CDHR2: variants seen among roughly 807,000 people sequenced by gnomAD.
The protein encoded by CDHR2 is cadherin related family member 2.
CDHR2 carries 104 observed loss-of-function variants against 138.6 expected under a neutral mutation model. The observed-to-expected ratio is 0.75, with a 90% CI of 0.64 to 0.88. The LOEUF (loss-of-function observed/expected upper bound fraction) is 0.88. Among genes scored for constraint, CDHR2 ranks in the 40% least tolerant of loss-of-function variants. The pLI is 0.00. For missense variants in CDHR2, 1,624 were observed against 1,727.6 expected (o/e 0.94, Z 1.06); for synonymous variants, 755 against 742.8 (o/e 1.02, Z -0.27).
chr5:176,577,766 G>C lies in CDHR2; in HGVS notation c.1480G>C (p.Ala494Pro). The change falls in exon 14 of 32, where the codon GCC (alanine) becomes CCC (proline). Residue 494 changes from alanine to proline, a missense_variant. Around this residue, in one of 3 missense-constraint regions of CDHR2, gnomAD observed 1,061 missense variants for 1,136.6 expected, o/e 0.93. Transcript: ENST00000261944. ...CGTCCTCACGGTGCCAGAGCACAGC[G>C]CCACCGGCTCTGTGGTCACCGACAG... ...LYVLTVPEHS[A>P]TGSVVTDSIH... 6.2e-7 allele frequency: 1 copy of C among 1,614,162 alleles called. No homozygotes were observed. The highest frequency in any genetic ancestry group is 8.5e-7 in the Non-Finnish European group (1 of 1,180,018).
In CDHR2 at chr5:176,589,358, C is replaced by G; in HGVS notation, c.3037C>G (p.Gln1013Glu). ...QPVTSLDSTL[Q>E]GTYQVTVQAR... ...GGTGACCAGCCTCGACTCCACTCTC[C>G]AAGGCACCTACCAAGTGACAGTCCA... is the stretch of plus-strand genomic sequence containing the variant. Residue 1013 changes from glutamine to glutamate, a missense_variant, in exon 23 of 32, where the codon CAA (glutamine) becomes GAA (glutamate). This residue lies in a region of CDHR2 where 556 missense variants were observed against 565.7 expected (regional missense o/e 0.98). Transcript: ENST00000261944. 2 of 1,559,320 alleles carry G rather than the reference C, an allele frequency of 1.3e-6. No homozygotes were observed. Among genetic ancestry groups the G allele is most frequent in the South Asian group, 2.5e-5 (2 of 80,816 alleles).
intron 19 of CDHR2, 67 bp from the exon 20 acceptor site, chr5:176,585,887 G>A: frequency 7.9e-7 from 1 of 1,266,952 alleles, no homozygotes; most frequent in Non-Finnish European, 1.2e-6. Context: ...GGGGCACAGG[G>A]TTGAGGCCCA....
chr5:176,547,258 C>T (rs993859888), upstream of CDHR2, among the ~76,000 whole-genome samples: 72 of 152,210 alleles, frequency 4.7e-4, no homozygotes, highest in Admixed American at 1.0e-3. Flanking sequence ...ATTACAGGCG[C>T]GAGCCACCAG....
chr5:176,582,087 C>A (rs952961578), intron 17 of CDHR2, among the ~76,000 whole-genome samples: 4 of 152,220 alleles, frequency 2.6e-5, no homozygotes, highest in Non-Finnish European at 1.5e-5. Flanking sequence ...ATAGTGCCAT[C>A]ATGGCTCACT....
chr5:176,575,963 A>G lies in CDHR2; in HGVS notation c.972A>G (p.Thr324=). Residue 324 remains threonine (T), a synonymous_variant, in exon 12 of 32, where the codon ACA becomes ACG. Transcript: ENST00000261944. The stretch of plus-strand genomic sequence containing the variant: ...GCTCTGTGCCTCAGGCCACCGAGAC[A>G]CACCTCAACATCTACGGGCAGGAGG... The part of the protein sequence containing the change: ...EVQLQVTATE[T]HLNIYGQEAK... 3.7e-6 allele frequency: 6 copies of G among 1,613,612 alleles called. No individual in the cohort carries two copies. Among genetic ancestry groups the G allele is most frequent in the Non-Finnish European group, 5.1e-6 (6 of 1,179,824 alleles).
rs7733006 is a variant in CDHR2, at chr5:176,553,241, T to C, written c.-16+3827T>C. Among the ~76,000 whole-genome samples the C allele has an allele frequency of 0.13, 19,593 of 152,142 alleles. 2,687 individuals carry two copies. The highest frequency in any genetic ancestry group is 0.35 in the African/African-American group (14,338 of 41,466). Reference sequence around the variant, plus strand: ...GCTCAAGAAGGAAAACCCAGGAGCCTAGAAAAGAGAGAAGGCACAGGCCTG... The same window carrying C: ...GCTCAAGAAGGAAAACCCAGGAGCCCAGAAAAGAGAGAAGGCACAGGCCTG... On this transcript the variant is annotated intron_variant, in intron 1 of 31. Transcript: ENST00000261944. The surrounding 1 kb of genome is among the most constrained non-coding windows in gnomAD (Gnocchi z 4.3).
upstream of CDHR2, among the ~76,000 whole-genome samples, chr5:176,546,236 A>G (rs938922743): frequency 4.7e-4 from 72 of 152,284 alleles, no homozygotes; most frequent in African/African-American, 1.7e-3. Flanking sequence ...TTGCACAGAT[A>G]TGCTAATATC....
intron 30 of CDHR2, 81 bp downstream of exon 30, chr5:176,591,565 GTGATGATGGTGA>G (rs1435123483): frequency 1.0e-6 from 1 of 997,124 alleles, no homozygotes; most frequent in East Asian, 2.4e-5. Flanking sequence ...GGTGTTGGTG[GTGATGATGGTGA>G]TGACAATGGT....
At chr5:176,574,757 A>G (rs1025222713) in intron 7 of CDHR2, among the ~76,000 whole-genome samples, 1 of 152,222 alleles carries the variant, frequency 6.6e-6, no homozygotes, top group Non-Finnish European at 1.5e-5. Flanking sequence ...GGCAAGGGAA[A>G]AAGTTTGTAC....
Position 176,575,992 on chromosome 5 carries a change from AGGTGAGCATCTG to A in CDHR2, c.1007_1018del (p.Ser336_Val339del), listed in dbSNP as rs763039159. 13 of 1,613,722 alleles carry A rather than the reference AGGTGAGCATCTG, an allele frequency of 8.1e-6. No homozygotes were observed. Among genetic ancestry groups the A allele is most frequent in the Non-Finnish European group, 1.1e-5 (13 of 1,179,996 alleles). ...CTCAACATCTACGGGCAGGAGGCCAAGGTGAGCATCTGGGTGACAGTGAGAGTGATGGACGTC... is the reference window on the plus strand; with the variant it reads ...CTCAACATCTACGGGCAGGAGGCCAAGGTGACAGTGAGAGTGATGGACGTC... On this transcript the variant is annotated inframe_deletion, in exon 12 of 32. Transcript: ENST00000261944.
Position 176,589,623 on chromosome 5 carries a change from C to A in CDHR2, c.3206+7C>A, listed in dbSNP as rs769318980. 1 of 1,613,618 alleles carries A rather than the reference C, an allele frequency of 6.2e-7. No homozygotes were observed. Among genetic ancestry groups the A allele is most frequent in the South Asian group, 1.1e-5 (1 of 91,070 alleles). On this transcript the variant is annotated splice_region_variant and intron_variant, in intron 24 of 31. Coordinates refer to ENST00000261944, the MANE Select transcript of CDHR2 (RefSeq NM_017675.6). ...ACAGACAGGCGATTAATGCGTAGGT[C>A]TGGGGAGCCCCGGAGGGAGGGGTAG...
chr5:176,592,560 T>C (rs1156696961), intron 30 of CDHR2, among the ~76,000 whole-genome samples, 163 bp from the exon 31 acceptor site: 1 of 151,060 alleles, frequency 6.6e-6, no homozygotes. Flanking sequence ...GTGATGGTGC[T>C]GATGGTAGTG....
intron 3 of CDHR2, 112 bp downstream of exon 3, chr5:176,565,855 C>G (rs928145608): frequency 1.3e-6 from 1 of 750,760 alleles, no homozygotes; most frequent in African/African-American, 1.8e-5. Flanking sequence ...TATTGTGGGA[C>G]AAAGAGGGAC....
In CDHR2 at chr5:176,572,159, G is replaced by A. The variant is rs548849410; in HGVS notation, c.405+857G>A. Among the ~76,000 whole-genome samples the A allele has an allele frequency of 1.6e-4, 24 of 151,474 alleles. No homozygotes were observed. The East Asian group carries it at 4.7e-3, about 30-fold the overall frequency. On this transcript the variant is annotated intron_variant, in intron 6 of 31. Transcript: ENST00000261944. ...AGCACTTTGGGAGGCTGAGGTGGGC[G>A]GATCACCTGAGGTCGGGAGTTGGAG... is the stretch of plus-strand genomic sequence containing the variant.
At chr5:176,582,472 AC>A (rs1758554881) in intron 17 of CDHR2, among the ~76,000 whole-genome samples, 1 of 152,126 alleles carries the variant, frequency 6.6e-6, no homozygotes, top group Non-Finnish European at 1.5e-5. Context: ...CCGGTTTATT[AC>A]CGTTTTATTG....
chr5:176,578,415 A>AC lies in CDHR2; in HGVS notation c.1626dup (p.Gly543ArgfsTer2). 6.2e-7 allele frequency: 1 copy of AC among 1,614,078 alleles called. No individual in the cohort carries two copies. Among genetic ancestry groups the AC allele is most frequent in the Non-Finnish European group, 8.5e-7 (1 of 1,180,002 alleles). ...GTCTCAGGGACGGTGACGGTGAGGA[A>AC]CGGTGAGCTGCTGGACCGGGAGAGC... On this transcript the variant is annotated frameshift_variant, in exon 16 of 32. Coordinates refer to ENST00000261944, the MANE Select transcript of CDHR2 (RefSeq NM_017675.6). LOFTEE classifies it high-confidence loss of function.
intron 16 of CDHR2, among the ~76,000 whole-genome samples, chr5:176,579,041 G>T (rs1460007989): frequency 3.9e-5 from 6 of 152,226 alleles, no homozygotes; most frequent in South Asian, 4.1e-4. Context: ...TGCAAATTCT[G>T]ATCTGAGCTT....
Position 176,543,137 on chromosome 5 carries a change from G to A in CDHR2, c.-16+368G>A, listed in dbSNP as rs1757494644. Reference sequence around the variant, plus strand: ...TGCGAGCTCCCGCCGTGCGGGCGCCGGCAGAGGCCTGGCGGGAAGACCCCG... The same window carrying A: ...TGCGAGCTCCCGCCGTGCGGGCGCCAGCAGAGGCCTGGCGGGAAGACCCCG... On this transcript the variant is annotated intron_variant, in intron 1 of 31. Transcript: ENST00000510636. This position sits in a 1 kb window ranked among gnomAD's most constrained non-coding sequence, Gnocchi z 4.0. Among the ~76,000 whole-genome samples, 1 of 151,072 alleles carries A rather than the reference G, an allele frequency of 6.6e-6. No homozygotes were observed. The highest frequency in any genetic ancestry group is 2.4e-5 in the African/African-American group (1 of 41,248).
intron 7 of CDHR2, 129 bp from the exon 8 acceptor site, chr5:176,574,955 T>G: frequency 1.9e-6 from 2 of 1,068,340 alleles, no homozygotes; most frequent in South Asian, 1.5e-5. Flanking sequence ...CTCAGAGAGG[T>G]CATATGACCT....
Sources: gnomAD v4.1 joint callset for allele counts (sites outside exome capture counted in the v4.1 genomes callset) on GRCh38, gnomAD v4.1.1 for gene constraint, gnomAD v4.1.1 regional missense constraint, Gnocchi (gnomAD v3.1) non-coding constraint, MANE v1.5 for transcripts, NCBI Gene and HGNC (gene_info 2026-07-23, HGNC 2026-07-21) for gene names.